ADGRL3: variants seen among roughly 807,000 people sequenced by gnomAD.
ADGRL3 encodes the protein calcium-independent alpha-latrotoxin receptor 3.
A neutral mutation model predicts 153.5 loss-of-function variants in ADGRL3; 62 were observed. The ratio of observed to expected loss-of-function variants is 0.40; its 90% CI spans 0.33 to 0.50. ADGRL3 has a LOEUF of 0.50. Ranked by LOEUF, ADGRL3 falls within the 20% of genes least tolerant of loss-of-function variation. ADGRL3 has a pLI of 0.47. For synonymous variants in ADGRL3, 710 were observed against 672.5 expected, an observed-to-expected ratio of 1.06 and a Z score of -0.86; for missense variants, 1,641 against 1,859.4, an observed-to-expected ratio of 0.88 and a Z score of 2.16.
intron 9 of ADGRL3, among the ~76,000 whole-genome samples, chr4:61,871,151 G>A (rs1335045273): frequency 9.2e-5 from 14 of 152,002 alleles, no homozygotes; most frequent in Non-Finnish European, 1.8e-4. Flanking sequence ...GGTGGCGAGT[G>A]CCTGCAGTCC....
intron 8 of ADGRL3, among the ~76,000 whole-genome samples, chr4:61,757,116 A>G (rs1343313950): frequency 6.6e-6 from 1 of 152,180 alleles, no homozygotes; most frequent in Non-Finnish European, 1.5e-5. Context: ...CTTTTGGTTC[A>G]GGATGATGCT....
chr4:61,604,548 C>T (rs773527619), intron 5 of ADGRL3, among the ~76,000 whole-genome samples: 17 of 152,066 alleles, frequency 1.1e-4, no homozygotes, highest in Non-Finnish European at 2.1e-4. Flanking sequence ...AATATTGAAA[C>T]TCAAATGATC....
At chr4:61,757,802 G>C (rs1282800991) in intron 8 of ADGRL3, among the ~76,000 whole-genome samples, 1 of 152,188 alleles carries the variant, frequency 6.6e-6, no homozygotes, top group Non-Finnish European at 1.5e-5. Context: ...ATGTGTCCCA[G>C]AGATTCTGGT....
intron 2 of ADGRL3, among the ~76,000 whole-genome samples, chr4:61,469,697 T>C (rs576562985): frequency 1.7e-4 from 26 of 152,064 alleles, no homozygotes; most frequent in Non-Finnish European, 3.4e-4. Context: ...AAGGTCTAAA[T>C]GTTCCCTATT....
At chr4:61,414,995 A>C (rs944008067) in intron 2 of ADGRL3, among the ~76,000 whole-genome samples, 6 of 151,982 alleles carry the variant, frequency 3.9e-5, no homozygotes, top group Non-Finnish European at 7.4e-5. Flanking sequence ...GAAAATGTGC[A>C]AACTATATTG....
chr4:61,448,894 G>GGAGA (rs2097637754), intron 2 of ADGRL3, among the ~76,000 whole-genome samples: 1 of 142,004 alleles, frequency 7.0e-6, no homozygotes, highest in African/African-American at 2.6e-5. Flanking sequence ...AAGGAAGAAG[G>GGAGA]GAGGGAGGGA....
At chr4:61,692,663 C>T (rs1240131145) in intron 6 of ADGRL3, among the ~76,000 whole-genome samples, 1 of 151,976 alleles carries the variant, frequency 6.6e-6, no homozygotes, top group Non-Finnish European at 1.5e-5. Context: ...AGGCTGGTCT[C>T]GAACTCCTGG....
intron 1 of ADGRL3, among the ~76,000 whole-genome samples, chr4:61,256,915 CTCTT>C (rs2092023343): frequency 6.6e-6 from 1 of 151,990 alleles, no homozygotes; most frequent in Non-Finnish European, 1.5e-5. Flanking sequence ...TTTTTTGATT[CTCTT>C]TCTTATTTCT....
At chr4:61,566,420 C>G (rs1352642991) in intron 4 of ADGRL3, among the ~76,000 whole-genome samples, 1 of 152,038 alleles carries the variant, frequency 6.6e-6, no homozygotes, top group Non-Finnish European at 1.5e-5. Flanking sequence ...GGGGTTGGGA[C>G]TTCAATATAG....
At chr4:61,469,458 A>G (rs2097919964) in intron 2 of ADGRL3, among the ~76,000 whole-genome samples, 1 of 152,052 alleles carries the variant, frequency 6.6e-6, no homozygotes, top group Non-Finnish European at 1.5e-5. Flanking sequence ...TGACCCATGT[A>G]GTTCTCCTTA....
chr4:61,703,668 G>A (rs2095806714), intron 6 of ADGRL3, among the ~76,000 whole-genome samples: 2 of 152,008 alleles, frequency 1.3e-5, no homozygotes. Context: ...TCTATTGTTG[G>A]AGATAGCAAA....
At chr4:61,952,975 C>T (rs2098953153) in intron 17 of ADGRL3, among the ~76,000 whole-genome samples, 1 of 152,086 alleles carries the variant, frequency 6.6e-6, no homozygotes, top group Non-Finnish European at 1.5e-5. Context: ...CATGTGTGTC[C>T]TGGAATTCTT....
chr4:61,673,046 C>T (rs2095060886), intron 5 of ADGRL3, among the ~76,000 whole-genome samples: 1 of 151,804 alleles, frequency 6.6e-6, no homozygotes. Flanking sequence ...ATGTATGAAC[C>T]TGGAGGACAT....
chr4:61,344,674 A>G (rs1436865623), intron 1 of ADGRL3, among the ~76,000 whole-genome samples: 4 of 152,120 alleles, frequency 2.6e-5, no homozygotes, highest in East Asian at 1.9e-4. Flanking sequence ...TAATAAAATG[A>G]TGTATCTTTT....
intron 3 of ADGRL3, among the ~76,000 whole-genome samples, chr4:61,509,084 C>T (rs1052650203): frequency 7.3e-5 from 11 of 150,426 alleles, no homozygotes; most frequent in Admixed American, 4.6e-4. Flanking sequence ...CAATTCAAGA[C>T]GAGATTTGGG....
Position 61,616,791 on chromosome 4 carries a change from T to G in ADGRL3, c.473+29351T>G, listed in dbSNP as rs113382876. Among the ~76,000 whole-genome samples, 47 of 152,294 alleles carry G rather than the reference T, an allele frequency of 3.1e-4. 2 individuals carry two copies. The highest frequency in any genetic ancestry group is 1.1e-3 in the African/African-American group (46 of 41,584). ...AAATATATAATCTCTTACTTTGGTA[T>G]CCAAAATCAGAAATGCTATCATTAT... On this transcript the variant is annotated intron_variant, in intron 5 of 26. Coordinates refer to ENST00000683033, the MANE Select transcript of ADGRL3 (RefSeq NM_001387552.1).
chr4:61,449,218 C>A (rs1288114710), intron 2 of ADGRL3, among the ~76,000 whole-genome samples: 2 of 152,034 alleles, frequency 1.3e-5, no homozygotes, highest in African/African-American at 2.4e-5. Context: ...TCACTGCAAC[C>A]TCTGACTCCC....
chr4:61,977,450 A>AC (rs1179936066), intron 17 of ADGRL3, among the ~76,000 whole-genome samples: 1 of 151,662 alleles, frequency 6.6e-6, no homozygotes, highest in African/African-American at 2.4e-5. Flanking sequence ...GCTGTCGCAG[A>AC]CCCAACACTG....
chr4:61,346,276 G>GCT (rs1211389572), intron 1 of ADGRL3, among the ~76,000 whole-genome samples: 2 of 143,448 alleles, frequency 1.4e-5, no homozygotes, highest in African/African-American at 2.6e-5. Context: ...CTCCCCCCAC[G>GCT]CTCTCTCTCT....
Sources: gnomAD v4.1 joint callset for allele counts (sites outside exome capture counted in the v4.1 genomes callset) on GRCh38, gnomAD v4.1.1 for gene constraint, MANE v1.5 for transcripts, NCBI Gene and HGNC (gene_info 2026-07-23, HGNC 2026-07-21) for gene names.